The following DSCAML1 variants were observed in gnomAD, a reference collection of about 807,000 sequenced individuals.
DSCAML1 encodes the protein cell adhesion molecule DSCAML1.
DSCAML1 carries 38 observed loss-of-function variants against 200.5 expected under a neutral mutation model. That is an observed-to-expected ratio of 0.19 (90% CI 0.15 to 0.25). The LOEUF (loss-of-function observed/expected upper bound fraction) is 0.25, where lower values mean the gene tolerates loss of function less well. Among genes scored for constraint, DSCAML1 ranks in the 10% least tolerant of loss-of-function variants. The pLI is 1.00. For missense variants in DSCAML1, 2,223 were observed against 2,858.8 expected (o/e 0.78, Z 5.07); for synonymous variants, 1,215 against 1,165.0 (o/e 1.04, Z -0.87).
chr11:117,481,906 C>G, intron 12 of DSCAML1, 57 bp downstream of exon 12: 1 of 1,597,068 alleles, frequency 6.3e-7, no homozygotes, highest in South Asian at 1.1e-5. Context: ...GTGATAGCTG[C>G]GGGCTCCCCA....
chr11:117,444,012 C>T lies in DSCAML1; in HGVS notation c.3736G>A (p.Glu1246Lys). 2 of 1,613,466 alleles carry T rather than the reference C, an allele frequency of 1.2e-6. No homozygotes were observed. Among genetic ancestry groups the T allele is most frequent in the Non-Finnish European group, 1.7e-6 (2 of 1,179,610 alleles). Reference sequence around the variant, plus strand: ...TGGGCGATCCGGTAGAAGAGCTGCTCTGGACTCGTCTCGTACTCGCTGGGA... The same window carrying T: ...TGGGCGATCCGGTAGAAGAGCTGCTTTGGACTCGTCTCGTACTCGCTGGGA... ...PAPSEYETSPEQLFYRIAHLN... is the reference protein window; with the variant it reads ...PAPSEYETSPKQLFYRIAHLN... The change falls in exon 21 of 33, where the codon GAG becomes AAG. Residue 1246 changes from glutamate (E) to lysine (K), a missense_variant. Physicochemically the swap from Glu to Lys is moderately conservative, Grantham distance 56. Transcript: ENST00000651296.
At chr11:117,634,818 G>A (rs940235707) in intron 3 of DSCAML1, among the ~76,000 whole-genome samples, 1 of 152,224 alleles carries the variant, frequency 6.6e-6, no homozygotes, top group Non-Finnish European at 1.5e-5. Flanking sequence ...GACATCCTGA[G>A]CTTCATCTCG....
intron 3 of DSCAML1, among the ~76,000 whole-genome samples, chr11:117,730,859 G>C (rs893588144): frequency 3.3e-5 from 5 of 152,156 alleles, no homozygotes; most frequent in African/African-American, 1.2e-4. Context: ...CTGCAACACA[G>C]ATGAACCTCA....
intron 3 of DSCAML1, among the ~76,000 whole-genome samples, chr11:117,628,013 C>T (rs2052091941): frequency 6.6e-6 from 1 of 152,158 alleles, no homozygotes; most frequent in African/African-American, 2.4e-5. Context: ...CTCAGTAATA[C>T]CTGTATGTTT....
intron 3 of DSCAML1, among the ~76,000 whole-genome samples, chr11:117,607,839 G>A (rs538863253): frequency 2.1e-4 from 32 of 152,358 alleles, no homozygotes; most frequent in Admixed American, 1.8e-3. Flanking sequence ...AGCCCTTTTG[G>A]TTAGGGAGAA....
chr11:117,661,698 C>T (rs1416138249), intron 3 of DSCAML1, among the ~76,000 whole-genome samples: 1 of 152,190 alleles, frequency 6.6e-6, no homozygotes, highest in Admixed American at 6.5e-5. Context: ...GGCACAGTCC[C>T]CTTGGTGGCC....
chr11:117,498,365 G>A lies in DSCAML1; in HGVS notation c.2359+5480C>T, dbSNP rs540198401. ...GTCACGGCGGTGGCAGGGCCCATCC[G>A]TGGGAGGACAGTCTGTGGAGGAGCC... is the stretch of plus-strand genomic sequence containing the variant. On this transcript the variant is annotated intron_variant, in intron 11 of 32. Transcript: ENST00000651296. This position sits in a 1 kb window ranked among gnomAD's most constrained non-coding sequence, Gnocchi z 4.0. 2.0e-5 allele frequency among the ~76,000 whole-genome samples: 3 copies of A among 152,218 alleles called. No individual in the cohort carries two copies. Among genetic ancestry groups the A allele is most frequent in the Non-Finnish European group, 2.9e-5 (2 of 68,034 alleles).
intron 17 of DSCAML1, among the ~76,000 whole-genome samples, chr11:117,461,810 A>G (rs914113338): frequency 6.6e-6 from 1 of 152,168 alleles, no homozygotes; most frequent in Non-Finnish European, 1.5e-5. Flanking sequence ...GGCAGACAGA[A>G]ATCTTTACAG....
At chr11:117,618,503 G>T (rs773193921) in intron 3 of DSCAML1, among the ~76,000 whole-genome samples, 39 of 151,986 alleles carry the variant, frequency 2.6e-4, no homozygotes, top group African/African-American at 9.2e-4. Context: ...CTTCTCTTCC[G>T]CAGGCTGACA....
chr11:117,794,106 T>TA (rs1397721025), intron 1 of DSCAML1, among the ~76,000 whole-genome samples: 3 of 151,242 alleles, frequency 2.0e-5, no homozygotes, highest in Non-Finnish European at 2.9e-5. Flanking sequence ...CGAAGGCTTT[T>TA]AATTTGGTCT....
chr11:117,433,194 A>G lies in DSCAML1; in HGVS notation c.4970T>C (p.Ile1657Thr), dbSNP rs1178240428. ...GAGCAGCTGGACCCTGGGGATGTCA[A>G]TGTGTAGCCGTGGGCCCTGGGGTGG... ...KGPPQGPRLH[I>T]DIPRVQLLIE... The change falls in exon 29 of 33, where the codon ATT (isoleucine) becomes ACT (threonine). Residue 1657 changes from isoleucine (I) to threonine (T), a missense_variant. Ile to Thr is a moderately conservative substitution (Grantham distance 89). This residue lies in a region of DSCAML1 where 614 missense variants were observed against 739.1 expected (regional missense o/e 0.83). Coordinates refer to ENST00000651296, the MANE Select transcript of DSCAML1 (RefSeq NM_020693.4). The G allele has an allele frequency of 6.2e-7, 1 of 1,614,096 alleles. No individual in the cohort carries two copies. Among genetic ancestry groups the G allele is most frequent in the Admixed American group, 1.7e-5 (1 of 60,032 alleles).
intron 3 of DSCAML1, among the ~76,000 whole-genome samples, chr11:117,542,733 T>A (rs762187417): frequency 6.6e-5 from 10 of 152,250 alleles, no homozygotes; most frequent in Non-Finnish European, 1.2e-4. Context: ...ATCTTCCCTC[T>A]CTTGACCATT....
chr11:117,477,198 G>GACACACACACACACACACACACACAC lies in DSCAML1; in HGVS notation c.2785+3219_2785+3244dup, dbSNP rs60376380. Among the ~76,000 whole-genome samples, 293 of 144,656 alleles carry GACACACACACACACACACACACACAC rather than the reference G, an allele frequency of 2.0e-3. 3 individuals carry two copies. Among genetic ancestry groups the GACACACACACACACACACACACACAC allele is most frequent in the Middle Eastern group, 3.5e-3 (1 of 286 alleles). 94.9% of individuals were successfully genotyped at this position (144,656 alleles called of 152,430 possible). On this transcript the variant is annotated intron_variant, in intron 14 of 32. Transcript: ENST00000651296. ...CCACAGGTGCAGGAAGCTGTCCTTAGACACACACACACACACACACACACA... is the reference window on the plus strand; with the variant it reads ...CCACAGGTGCAGGAAGCTGTCCTTAGACACACACACACACACACACACACACACACACACACACACACACACACACA...
At chr11:117,657,714 A>G (rs1456005236) in intron 3 of DSCAML1, among the ~76,000 whole-genome samples, 4 of 152,160 alleles carry the variant, frequency 2.6e-5, no homozygotes, top group Non-Finnish European at 5.9e-5. Context: ...CACATTAGAG[A>G]TGGATGCTGG....
intron 4 of DSCAML1, among the ~76,000 whole-genome samples, chr11:117,531,401 A>G (rs1471055726): frequency 2.0e-5 from 3 of 152,202 alleles, no homozygotes; most frequent in Non-Finnish European, 2.9e-5. Context: ...GAAACAAATG[A>G]GGGAATCCCA....
In DSCAML1 at chr11:117,428,735, G is replaced by A. The variant is rs1361177995; in HGVS notation, c.5755C>T (p.Pro1919Ser). The A allele has an allele frequency of 1.2e-6, 2 of 1,612,998 alleles. No homozygotes were observed. The highest frequency in any genetic ancestry group is 1.7e-5 in the Admixed American group (1 of 59,918). Residue 1919 changes from proline to serine, a missense_variant, in exon 33 of 33, where the codon CCC becomes TCC. Coordinates refer to ENST00000651296, the MANE Select transcript of DSCAML1 (RefSeq NM_020693.4). ...TCACGGGGTGGGACCACGGGGCAGG[G>A]CTCACGTCCATCTGCCTTTCGAAAG... ...AFFRKADGREPCPVVPPREAS... is the reference protein window; with the variant it reads ...AFFRKADGRESCPVVPPREAS...
At chr11:117,544,526 C>T (rs1164666205) in intron 3 of DSCAML1, among the ~76,000 whole-genome samples, 1 of 152,148 alleles carries the variant, frequency 6.6e-6, no homozygotes, top group African/African-American at 2.4e-5. Flanking sequence ...TGCAGGGCAC[C>T]TTCCTTTCTT....
intron 14 of DSCAML1, among the ~76,000 whole-genome samples, chr11:117,477,851 G>A (rs1358487903): frequency 2.0e-5 from 3 of 152,218 alleles, no homozygotes; most frequent in Non-Finnish European, 2.9e-5. Flanking sequence ...TGGGTGGGCT[G>A]TGCTGGAGCC....
At chr11:117,778,947 C>T (rs1169606086) in intron 2 of DSCAML1, among the ~76,000 whole-genome samples, 1 of 152,204 alleles carries the variant, frequency 6.6e-6, no homozygotes, top group Non-Finnish European at 1.5e-5. Flanking sequence ...CATGGTCTAG[C>T]CCCAAACCAA....
Sources: gnomAD v4.1 joint callset for allele counts (sites outside exome capture counted in the v4.1 genomes callset) on GRCh38, gnomAD v4.1.1 for gene constraint, gnomAD v4.1.1 regional missense constraint, Gnocchi (gnomAD v3.1) non-coding constraint, MANE v1.5 for transcripts, NCBI Gene and HGNC (gene_info 2026-07-23, HGNC 2026-07-21) for gene names.